Variants in SGCZ observed in about 807,000 individuals in gnomAD.
SGCZ encodes sarcoglycan zeta.
Under a neutral mutation model 41.3 loss-of-function variants are expected in SGCZ, and 40 were observed. The ratio of observed to expected loss-of-function variants is 0.97; its 90% confidence interval spans 0.75 to 1.26. SGCZ has a LOEUF of 1.26. Among genes scored for constraint, SGCZ ranks in the 50% most tolerant of loss-of-function variants. SGCZ has a pLI of 0.00. For synonymous variants in SGCZ, 206 were observed against 137.5 expected (o/e 1.50, Z -3.49); for missense variants, 552 against 369.8 (o/e 1.49, Z -4.04).
intron 1 of SGCZ, among the ~76,000 whole-genome samples, chr8:15,044,802 G>C (rs1051796806): frequency 7.2e-5 from 11 of 152,058 alleles, no homozygotes; most frequent in African/African-American, 2.7e-4. Context: ...CTCCTACCAA[G>C]AGCACAGCTT....
rs1806494164 is a variant in SGCZ, at chr8:14,229,696, T to G, written c.424+7896A>C. ...TTAAAAAAAACATAAATTTGGAACCTGAGAATAATCCATAACCTTCTACTT... is the reference window on the plus strand; with the variant it reads ...TTAAAAAAAACATAAATTTGGAACCGGAGAATAATCCATAACCTTCTACTT... On this transcript the variant is annotated intron_variant, in intron 4 of 7. Transcript: ENST00000382080. Among the ~76,000 whole-genome samples, 4 of 152,134 alleles carry G rather than the reference T, an allele frequency of 2.6e-5. 1 individual carries two copies. In the South Asian group the frequency reaches 8.3e-4, roughly 32 times the overall value.
intron 1 of SGCZ, among the ~76,000 whole-genome samples, chr8:14,930,727 A>G (rs1040257893): frequency 5.3e-5 from 8 of 151,978 alleles, no homozygotes; most frequent in Non-Finnish European, 8.8e-5. Flanking sequence ...TCAGCAGACT[A>G]ACACAGGAAC....
chr8:15,233,284 C>G (rs1401371897), intron 1 of SGCZ, among the ~76,000 whole-genome samples: 2 of 139,334 alleles, frequency 1.4e-5, no homozygotes, highest in Non-Finnish European at 3.0e-5. Context: ...TACACTGCAG[C>G]AAGCTTGACT....
intron 1 of SGCZ, among the ~76,000 whole-genome samples, chr8:14,629,253 G>A (rs1806565519): frequency 6.6e-6 from 1 of 152,040 alleles, no homozygotes; most frequent in Non-Finnish European, 1.5e-5. Flanking sequence ...TTTACTTCGT[G>A]TGATTTGCAT....
At chr8:15,159,725 G>GC (rs1306451581) in intron 1 of SGCZ, among the ~76,000 whole-genome samples, 3 of 10,374 alleles carry the variant, frequency 2.9e-4, no homozygotes, top group Admixed American at 7.2e-4. Context: ...CCCCTCCCTC[G>GC]CCCCCGCCCC....
At chr8:14,870,539 G>A (rs1244751265) in intron 1 of SGCZ, among the ~76,000 whole-genome samples, 1 of 152,130 alleles carries the variant, frequency 6.6e-6, no homozygotes, top group Non-Finnish European at 1.5e-5. Flanking sequence ...AAGACTTCAT[G>A]ACTGAAACAC....
intron 1 of SGCZ, among the ~76,000 whole-genome samples, chr8:15,026,598 C>G (rs1027150989): frequency 3.9e-5 from 6 of 152,144 alleles, no homozygotes; most frequent in African/African-American, 1.4e-4. Context: ...GATTGGTACA[C>G]AGATGTGCCA....
chr8:14,618,986 T>C (rs1563157264), intron 1 of SGCZ, among the ~76,000 whole-genome samples: 2 of 152,144 alleles, frequency 1.3e-5, no homozygotes, highest in Non-Finnish European at 1.5e-5. Context: ...TTTTCTCTTT[T>C]AGATGTCCAA....
intron 1 of SGCZ, among the ~76,000 whole-genome samples, chr8:14,645,484 G>GATATTTATATATA (rs368044086): frequency 7.4e-6 from 1 of 135,796 alleles, no homozygotes; most frequent in Non-Finnish European, 1.6e-5. Flanking sequence ...ATATTTATAT[G>GATATTTATATATA]TATATATATA....
intron 2 of SGCZ, among the ~76,000 whole-genome samples, chr8:14,515,205 G>T (rs1270497982): frequency 6.6e-6 from 1 of 151,862 alleles, no homozygotes; most frequent in Non-Finnish European, 1.5e-5. Context: ...GAACTTCTAG[G>T]CTACTGACAT....
chr8:14,245,879 A>G (rs1374614494), intron 3 of SGCZ, among the ~76,000 whole-genome samples: 2 of 152,210 alleles, frequency 1.3e-5, no homozygotes, highest in Non-Finnish European at 2.9e-5. Context: ...GAGAAATGCA[A>G]ATCAAAACCA....
At chr8:14,389,322 G>C (rs1804678427) in intron 2 of SGCZ, among the ~76,000 whole-genome samples, 1 of 151,584 alleles carries the variant, frequency 6.6e-6, no homozygotes, top group African/African-American at 2.4e-5. Context: ...TAACATGTAA[G>C]AATTTTTCAG....
At chr8:14,895,586 A>G (rs529558099) in intron 1 of SGCZ, among the ~76,000 whole-genome samples, 8 of 152,228 alleles carry the variant, frequency 5.3e-5, no homozygotes, top group Non-Finnish European at 8.8e-5. Context: ...ATCAAAGAAG[A>G]TGTAAGTGGT....
intron 1 of SGCZ, among the ~76,000 whole-genome samples, chr8:15,082,800 A>G (rs1393396402): frequency 6.6e-6 from 1 of 152,170 alleles, no homozygotes; most frequent in Non-Finnish European, 1.5e-5. Context: ...TGAATAAAGC[A>G]ACAGTTCTTT....
chr8:14,182,623 TAA>T (rs570756109), intron 4 of SGCZ, among the ~76,000 whole-genome samples: 1 of 151,984 alleles, frequency 6.6e-6, no homozygotes, highest in Non-Finnish European at 1.5e-5. Context: ...GAAAAAATAA[TAA>T]AGACAAGAAA....
chr8:14,842,521 G>A (rs1377491100), intron 1 of SGCZ, among the ~76,000 whole-genome samples: 1 of 150,722 alleles, frequency 6.6e-6, no homozygotes. Context: ...AGGAAGGAAG[G>A]AAAGAAAAGC....
chr8:14,785,876 A>G (rs1319428629), intron 1 of SGCZ, among the ~76,000 whole-genome samples: 3 of 151,516 alleles, frequency 2.0e-5, no homozygotes, highest in Admixed American at 6.6e-5. Context: ...CTAATTGTGG[A>G]AACTTCTATC....
At chr8:14,935,790 G>T (rs1285418614) in intron 1 of SGCZ, among the ~76,000 whole-genome samples, 1 of 151,428 alleles carries the variant, frequency 6.6e-6, no homozygotes. Flanking sequence ...TAAAACAAAG[G>T]CTATTAAGAT....
At chr8:14,393,668 G>T (rs923832582) in intron 2 of SGCZ, among the ~76,000 whole-genome samples, 1 of 151,944 alleles carries the variant, frequency 6.6e-6, no homozygotes, top group African/African-American at 2.4e-5. Flanking sequence ...CCTCTCTTCT[G>T]CTTATTAAAC....
Sources: allele counts gnomAD v4.1 joint callset (sites outside exome capture counted in the v4.1 genomes callset), GRCh38; gene constraint gnomAD v4.1.1; transcripts MANE v1.5; gene names NCBI Gene and HGNC (gene_info 2026-07-23, HGNC 2026-07-21).